Variants in UNC13A observed in about 807,000 individuals in gnomAD.
UNC13A encodes protein unc-13 homolog A.
In UNC13A, 61 loss-of-function variants were observed where a neutral mutation model predicts 219.7. The ratio of observed to expected loss-of-function variants is 0.28; its 90% CI spans 0.23 to 0.34. UNC13A has a LOEUF of 0.34. Ranked by LOEUF, UNC13A falls within the 10% of genes least tolerant of loss-of-function variation. The pLI is 1.00. For synonymous variants in UNC13A, 920 were observed against 884.6 expected (o/e 1.04, Z -0.71); for missense variants, 1,476 against 2,270.3 (o/e 0.65, Z 7.11).
intron 42 of UNC13A, among the ~76,000 whole-genome samples, chr19:17,610,526 T>C (rs938744499): frequency 6.6e-6 from 1 of 152,002 alleles, no homozygotes; most frequent in Non-Finnish European, 1.5e-5. Flanking sequence ...CTGTCTGAAA[T>C]AAAGACTACA....
chr19:17,648,904 C>G lies in UNC13A; in HGVS notation c.1596+8G>C. On this transcript the variant is annotated splice_region_variant and intron_variant, in intron 15 of 43. Coordinates refer to ENST00000519716, the MANE Select transcript of UNC13A (RefSeq NM_001080421.3). ...CCTGACCCGGGGAAAAAGAGGTGCC[C>G]CACGCACCAGCTCCTCGTTGTTCAA... The G allele has an allele frequency of 6.3e-7, 1 of 1,587,310 alleles. No homozygotes were observed. The highest frequency in any genetic ancestry group is 8.6e-7 in the Non-Finnish European group (1 of 1,167,654).
At chr19:17,657,051 CTGCTGTCTCTACCAGA>C (rs2079470635) in intron 9 of UNC13A, among the ~76,000 whole-genome samples, 1 of 152,098 alleles carries the variant, frequency 6.6e-6, no homozygotes, top group African/African-American at 2.4e-5. Flanking sequence ...AGGCCAGCCT[CTGCTGTCTCTACCAGA>C]TGCTGTCTCC....
In UNC13A at chr19:17,642,998, C is replaced by T. The variant is rs2076986870; in HGVS notation, c.2357-38G>A. The T allele has an allele frequency of 2.6e-6, 4 of 1,553,992 alleles. No homozygotes were observed. The East Asian group carries it at 7.1e-5, about 28-fold the overall frequency. On this transcript the variant is annotated intron_variant, in intron 19 of 43. Coordinates refer to ENST00000519716, the MANE Select transcript of UNC13A (RefSeq NM_001080421.3). ...AAAAGAAGACAGTGTCAGAACTTCC[C>T]ACTATAGCAGTGGGCAATTTTTTTT... is the stretch of plus-strand genomic sequence containing the variant.
intron 19 of UNC13A, among the ~76,000 whole-genome samples, chr19:17,644,693 G>A (rs541196794): frequency 8.1e-4 from 123 of 150,968 alleles, no homozygotes; most frequent in African/African-American, 2.6e-3. Flanking sequence ...CACTGCACCC[G>A]GCCATATTTG....
chr19:17,621,427 A>G (rs191077425), intron 37 of UNC13A, among the ~76,000 whole-genome samples: 5 of 152,258 alleles, frequency 3.3e-5, no homozygotes, highest in South Asian at 2.1e-4. Context: ...TGTAGCTCCC[A>G]TCTCCTTAAC....
At chr19:17,677,950 C>G (rs1398183282) in intron 1 of UNC13A, among the ~76,000 whole-genome samples, 1 of 152,112 alleles carries the variant, frequency 6.6e-6, no homozygotes, top group Non-Finnish European at 1.5e-5. Flanking sequence ...CTGTTCTAAT[C>G]CTTCATGTTT....
chr19:17,637,217 C>T (rs774457122), intron 25 of UNC13A, among the ~76,000 whole-genome samples: 13 of 152,112 alleles, frequency 8.5e-5, no homozygotes, highest in Non-Finnish European at 1.8e-4. Context: ...TCAAGGGATC[C>T]TCCTGCCTCA....
chr19:17,618,820 A>AC (rs2144955212), intron 39 of UNC13A, 86 bp downstream of exon 39: 1 of 1,287,242 alleles, frequency 7.8e-7, no homozygotes, highest in Non-Finnish European at 1.1e-6. Flanking sequence ...TCATCCTGGG[A>AC]CCCCTCCCCC....
rs2079692446 is a variant in UNC13A at position 17,667,994 on chromosome 19, G to C, written c.468+123C>G. On this transcript the variant is annotated intron_variant, in intron 6 of 43. Transcript: ENST00000519716. ...GTCATGGATGCAGTCAGGTTACAAA[G>C]AGTTAGAAACAGAGATGCAGGGAAA... 5 of 980,684 alleles carry C rather than the reference G, an allele frequency of 5.1e-6. No homozygotes were observed. In the East Asian group the frequency reaches 1.4e-4, roughly 27 times the overall value. 60.7% of individuals were successfully genotyped at this position (980,684 alleles called of 1,614,324 possible). A position where few individuals can be genotyped will look rare whatever the true frequency, so the allele number is the denominator to read the frequency against.
At chr19:17,606,464 C>G in intron 43 of UNC13A, 110 bp from the exon 44 acceptor site, 2 of 1,369,350 alleles carry the variant, frequency 1.5e-6, no homozygotes, top group African/African-American at 1.5e-5. Flanking sequence ...GGTGCCCACA[C>G]CTGTCACCTC....
Position 17,609,848 on chromosome 19 carries a change from T to C in UNC13A, c.4811+92A>G, listed in dbSNP as rs1390683541. 2.6e-6 allele frequency: 4 copies of C among 1,565,694 alleles called. No individual in the cohort carries two copies. In the African/African-American group the frequency reaches 5.4e-5, roughly 21 times the overall value. On this transcript the variant is annotated intron_variant, in intron 43 of 43. Coordinates refer to ENST00000519716, the MANE Select transcript of UNC13A (RefSeq NM_001080421.3). Reference sequence around the variant, plus strand: ...GGCCCCTCCCATTCCCGGGCCCAGATTCCAGATACCTCCTGCCTAGCTGGC... The same window carrying C: ...GGCCCCTCCCATTCCCGGGCCCAGACTCCAGATACCTCCTGCCTAGCTGGC...
chr19:17,665,196 T>C (rs1276829396), intron 7 of UNC13A, among the ~76,000 whole-genome samples: 1 of 70,774 alleles, frequency 1.4e-5, no homozygotes, highest in Non-Finnish European at 3.0e-5. Context: ...GGAGACTCTA[T>C]CTCCAAGAAA....
chr19:17,602,236 T>C lies in UNC13A; in HGVS notation c.*3818A>G, dbSNP rs892601510. ...TCCTTCTTTCTTCAGGACACCCTCT[T>C]TACTTCCCCCGACACTCCCTGCCTT... On this transcript the variant is annotated 3_prime_UTR_variant, in exon 44 of 44. Transcript: ENST00000519716. 2 of 152,764 alleles carry C rather than the reference T, an allele frequency of 1.3e-5. No individual in the cohort carries two copies. The highest frequency in any genetic ancestry group is 2.4e-5 in the African/African-American group (1 of 41,420). 9.5% of individuals were successfully genotyped at this position (152,764 alleles called of 1,614,324 possible).
intron 7 of UNC13A, among the ~76,000 whole-genome samples, chr19:17,664,679 C>T (rs569238440): frequency 1.7e-4 from 26 of 152,254 alleles, no homozygotes; most frequent in Admixed American, 6.5e-4. Context: ...ATTCACCAAG[C>T]GGGGGTTTGT....
chr19:17,622,754 C>G (rs2076741890), intron 36 of UNC13A: 1 of 153,422 alleles, frequency 6.5e-6, no homozygotes, highest in Non-Finnish European at 1.5e-5. Context: ...CCTCTGCTTC[C>G]TGGGTTCAGG....
chr19:17,626,001 T>G (rs548562580), intron 34 of UNC13A, among the ~76,000 whole-genome samples: 64 of 147,886 alleles, frequency 4.3e-4, no homozygotes, highest in Admixed American at 2.2e-3. Flanking sequence ...ATCAAAACAT[T>G]TATTCATTCA....
chr19:17,616,534 G>A, intron 41 of UNC13A: 1 of 658,224 alleles, frequency 1.5e-6, no homozygotes, highest in East Asian at 2.9e-5. Context: ...ACGAGCCAGT[G>A]AGAGGTGAGG....
At chr19:17,651,175 G>A (rs1027889704) in intron 12 of UNC13A, among the ~76,000 whole-genome samples, 1 of 151,644 alleles carries the variant, frequency 6.6e-6, no homozygotes, top group Non-Finnish European at 1.5e-5. Flanking sequence ...CTGACCTCAG[G>A]TGATCAACCG....
At chr19:17,675,443 C>T (rs983670039) in intron 2 of UNC13A, among the ~76,000 whole-genome samples, 5 of 151,550 alleles carry the variant, frequency 3.3e-5, no homozygotes, top group African/African-American at 1.2e-4. Flanking sequence ...ACCAGCCTGG[C>T]CAACATGGCG....
Sources: gnomAD v4.1 joint callset for allele counts (sites outside exome capture counted in the v4.1 genomes callset) on GRCh38, gnomAD v4.1.1 for gene constraint, MANE v1.5 for transcripts, NCBI Gene and HGNC (gene_info 2026-07-23, HGNC 2026-07-21) for gene names.